Variants in CCNY observed in about 807,000 individuals in gnomAD.
The protein encoded by CCNY is cyclin-Y.
In CCNY, 19 loss-of-function variants were observed where a neutral mutation model predicts 42.8. The observed-to-expected ratio is 0.44, with a 90% CI of 0.31 to 0.65. CCNY has a LOEUF of 0.65. Ranked by LOEUF, CCNY falls within the 30% of genes least tolerant of loss-of-function variation. The probability of loss-of-function intolerance (pLI) is 0.07; values close to 1 mark genes in which losing one functional copy is unlikely to be tolerated. For synonymous variants in CCNY, 165 were observed against 162.7 expected (o/e 1.01, Z -0.11); for missense variants, 370 against 437.3 (o/e 0.85, Z 1.37).
At chr10:35,444,506 C>T (rs1346742498) in intron 1 of CCNY, among the ~76,000 whole-genome samples, 1 of 152,114 alleles carries the variant, frequency 6.6e-6, no homozygotes, top group Non-Finnish European at 1.5e-5. Flanking sequence ...TCTTGGCTTC[C>T]CAAAGTTCTG....
At chr10:35,351,267 T>G (rs1836424112) in intron 1 of CCNY, among the ~76,000 whole-genome samples, 1 of 152,250 alleles carries the variant, frequency 6.6e-6, no homozygotes, top group Admixed American at 6.5e-5. Flanking sequence ...AATGAACCTC[T>G]TCTGTTTATA....
At chr10:35,303,575 C>A (rs184048769) in intron 3 of CCNY, among the ~76,000 whole-genome samples, 1 of 150,628 alleles carries the variant, frequency 6.6e-6, no homozygotes, top group Non-Finnish European at 1.5e-5. Flanking sequence ...GTCGGGAGTT[C>A]GAGACCAGCC....
At chr10:35,568,430 T>C (rs1230931585) in intron 9 of CCNY, among the ~76,000 whole-genome samples, 1 of 152,072 alleles carries the variant, frequency 6.6e-6, no homozygotes, top group African/African-American at 2.4e-5. Flanking sequence ...CCTGGGAGAG[T>C]TGTTGCCAGA....
chr10:35,249,991 G>A (rs960378092), intron 2 of CCNY, among the ~76,000 whole-genome samples: 1 of 152,018 alleles, frequency 6.6e-6, no homozygotes, highest in Admixed American at 6.6e-5. Flanking sequence ...TCAGGAGATC[G>A]AGACCTTCCT....
At chr10:35,396,644 G>A (rs200772833) in intron 1 of CCNY, among the ~76,000 whole-genome samples, 1 of 152,242 alleles carries the variant, frequency 6.6e-6, no homozygotes, top group Non-Finnish European at 1.5e-5. Flanking sequence ...TGGTGAGGAG[G>A]TCCAGACAGT....
chr10:35,423,576 A>G (rs536282778), intron 1 of CCNY, among the ~76,000 whole-genome samples: 1 of 150,716 alleles, frequency 6.6e-6, no homozygotes, highest in East Asian at 2.0e-4. Context: ...TTATTTTGGT[A>G]CACTGTACAT....
intron 2 of CCNY, among the ~76,000 whole-genome samples, chr10:35,498,750 ATCT>A (rs970486340): frequency 1.1e-4 from 16 of 152,154 alleles, no homozygotes; most frequent in African/African-American, 3.9e-4. Context: ...TGTGTGGAAA[ATCT>A]TCTCAGAAAC....
chr10:35,265,300 C>T (rs1216766666), intron 3 of CCNY, among the ~76,000 whole-genome samples: 1 of 152,182 alleles, frequency 6.6e-6, no homozygotes, highest in Non-Finnish European at 1.5e-5. Flanking sequence ...ATCTTACGTA[C>T]TAATCTCATT....
chr10:35,455,849 C>T (rs1330991175), intron 1 of CCNY, among the ~76,000 whole-genome samples: 1 of 129,112 alleles, frequency 7.7e-6, no homozygotes, highest in East Asian at 2.3e-4. Flanking sequence ...GACAGGGTCT[C>T]ACTCTGTTGC....
rs1564417870 is a variant in CCNY, at chr10:35,455,827, A to ATTTTTT, written c.155-27577_155-27576insTTTTTT. On this transcript the variant is annotated intron_variant, in intron 1 of 9. Transcript: ENST00000374704. The stretch of plus-strand genomic sequence containing the variant: ...TCCTTTTTTTTTTTTTTTTTTTTTA[A>ATTTTTT]AAAAAGAAAAAGACAGGGTCTCACT... Among the ~76,000 whole-genome samples the ATTTTTT allele has an allele frequency of 3.2e-3, 260 of 80,376 alleles. 1 individual carries two copies. The highest frequency in any genetic ancestry group is 0.011 in the African/African-American group (244 of 21,690). The allele number at this position is 80,376 out of a possible 152,430, so 52.7% of individuals were successfully genotyped here.
intron 3 of CCNY, among the ~76,000 whole-genome samples, chr10:35,291,159 C>T (rs917628676): frequency 3.9e-5 from 6 of 152,222 alleles, no homozygotes; most frequent in African/African-American, 1.2e-4. Context: ...GCACCCGCCA[C>T]CACGCCCAGC....
chr10:35,316,580 A>C (rs1012952095), intron 3 of CCNY, among the ~76,000 whole-genome samples: 2 of 152,208 alleles, frequency 1.3e-5, no homozygotes, highest in Non-Finnish European at 2.9e-5. Flanking sequence ...CTCTTTTTTA[A>C]AACATGGTTG....
chr10:35,469,888 ATGGAGAGACAGACAGGGAGG>A (rs1049603430), intron 1 of CCNY, among the ~76,000 whole-genome samples: 1 of 149,694 alleles, frequency 6.7e-6, no homozygotes, highest in African/African-American at 2.5e-5. Flanking sequence ...AGATAGGGCA[ATGGAGAGACAGACAGGGAGG>A]TGGAGAGACA....
At chr10:35,366,300 T>C (rs1316518815) in intron 1 of CCNY, among the ~76,000 whole-genome samples, 4 of 152,206 alleles carry the variant, frequency 2.6e-5, no homozygotes, top group Non-Finnish European at 5.9e-5. Flanking sequence ...AGCATGTGAT[T>C]TGGGGCTTCA....
At chr10:35,387,649 T>G (rs1478965963) in intron 1 of CCNY, among the ~76,000 whole-genome samples, 4 of 152,200 alleles carry the variant, frequency 2.6e-5, no homozygotes, top group African/African-American at 9.7e-5. Flanking sequence ...CACATACAGT[T>G]TGCTTATTAT....
chr10:35,289,145 A>T (rs910074165), intron 3 of CCNY, among the ~76,000 whole-genome samples: 4 of 152,064 alleles, frequency 2.6e-5, no homozygotes, highest in African/African-American at 9.7e-5. Flanking sequence ...TTGGTTAAAA[A>T]TTTTATTTTG....
chr10:35,352,084 T>C (rs934324316), intron 1 of CCNY, among the ~76,000 whole-genome samples: 1 of 152,234 alleles, frequency 6.6e-6, no homozygotes, highest in South Asian at 2.1e-4. Flanking sequence ...TTTTATTCCA[T>C]TGAAGTGTTA....
chr10:35,500,671 G>A (rs1386484316), intron 2 of CCNY, among the ~76,000 whole-genome samples: 1 of 152,198 alleles, frequency 6.6e-6, no homozygotes, highest in African/African-American at 2.4e-5. Flanking sequence ...CCCACAAAAT[G>A]AGCCTTCAGA....
At chr10:35,286,393 C>G (rs1835354772) in intron 3 of CCNY, among the ~76,000 whole-genome samples, 1 of 148,574 alleles carries the variant, frequency 6.7e-6, no homozygotes, top group Non-Finnish European at 1.5e-5. Flanking sequence ...GAGTCTCACT[C>G]TGTCGCCCAG....
Sources: allele counts gnomAD v4.1 joint callset (sites outside exome capture counted in the v4.1 genomes callset), GRCh38; gene constraint gnomAD v4.1.1; transcripts MANE v1.5; gene names NCBI Gene and HGNC (gene_info 2026-07-23, HGNC 2026-07-21).